The following CD82 variants were observed in gnomAD, a reference collection of about 807,000 sequenced individuals.
The protein encoded by CD82 is CD82 molecule, also known as CD82 antigen.
CD82 carries 36 observed loss-of-function variants against 37.4 expected under a neutral mutation model. The ratio of observed to expected loss-of-function variants is 0.96; its 90% CI spans 0.74 to 1.27. The LOEUF is 1.27. CD82 is among the 50% of genes most tolerant of loss of function. The probability of loss-of-function intolerance (pLI) is 0.00; values close to 1 mark genes in which losing one functional copy is unlikely to be tolerated. For missense variants in CD82, 340 were observed against 347.0 expected, an observed-to-expected ratio of 0.98 and a Z score of 0.16; for synonymous variants, 158 against 137.4, an observed-to-expected ratio of 1.15 and a Z score of -1.05.
At chr11:44,594,499 G>A (rs1393643446) in intron 2 of CD82, 144 bp from the exon 3 acceptor site, 1 of 622,920 alleles carries the variant, frequency 1.6e-6, no homozygotes, top group East Asian at 2.7e-5. Context: ...TTTCCTAGCT[G>A]TGTGGCTTTG....
At chr11:44,573,104 G>A (rs1203837712) in intron 1 of CD82, 1 of 152,266 alleles carries the variant, frequency 6.6e-6, no homozygotes, top group Non-Finnish European at 1.5e-5. Context: ...GGCGTGAAGC[G>A]GGGATTTGGT....
In CD82 at chr11:44,618,263, G is replaced by A. The variant is rs753768500; in HGVS notation, c.540G>A (p.Gly180=). 5 of 1,613,988 alleles carry A rather than the reference G, an allele frequency of 3.1e-6. No homozygotes were observed. In the South Asian group the frequency reaches 3.3e-5, roughly 11 times the overall value. Residue 180 remains glycine, a synonymous_variant, in exon 8 of 10, where the codon GGG becomes GGA. Coordinates refer to ENST00000227155, the MANE Select transcript of CD82 (RefSeq NM_002231.4). ...ACCCCTGTTCCTGCGAAGTCAAGGGGGAAGAGGACAACAGCCTTTCTGTGA... is the reference window on the plus strand; with the variant it reads ...ACCCCTGTTCCTGCGAAGTCAAGGGAGAAGAGGACAACAGCCTTTCTGTGA... ...VTYPCSCEVK[G]EEDNSLSVRK...
intron 3 of CD82, among the ~76,000 whole-genome samples, chr11:44,598,474 G>A (rs1041014452): frequency 8.2e-5 from 10 of 121,582 alleles, no homozygotes; most frequent in Non-Finnish European, 1.3e-4. Flanking sequence ...GTGCAGTGGC[G>A]TGACCTTGGC....
chr11:44,605,525 C>A, intron 6 of CD82, 96 bp downstream of exon 6: 1 of 1,134,538 alleles, frequency 8.8e-7, no homozygotes, highest in Non-Finnish European at 1.3e-6. Context: ...CCCCAGTTGT[C>A]ACAGACAGAT....
chr11:44,576,886 A>G (rs11038065), intron 1 of CD82, among the ~76,000 whole-genome samples: 110,704 of 151,802 alleles, frequency 0.73, 40,771 homozygotes, highest in East Asian at 0.9. Flanking sequence ...TCCCGTGGGC[A>G]GTTGAGGGAT....
At chr11:44,583,688 G>A (rs937068008) in intron 1 of CD82, among the ~76,000 whole-genome samples, 1 of 152,208 alleles carries the variant, frequency 6.6e-6, no homozygotes, top group Non-Finnish European at 1.5e-5. Flanking sequence ...TGTGGCCTTA[G>A]GCAAGTCACT....
At chr11:44,603,640 G>A (rs575211042) in intron 4 of CD82, among the ~76,000 whole-genome samples, 4 of 152,296 alleles carry the variant, frequency 2.6e-5, no homozygotes, top group South Asian at 4.1e-4. Flanking sequence ...CAGCACCCTC[G>A]CCCTCCAGGT....
chr11:44,590,108 C>T (rs1220140055), intron 2 of CD82, among the ~76,000 whole-genome samples: 1 of 151,038 alleles, frequency 6.6e-6, no homozygotes, highest in Non-Finnish European at 1.5e-5. Context: ...GCTGGGATTA[C>T]AGGTGTGAGC....
At position 44,618,348 on chromosome 11, in the gene CD82, T is replaced by G. The variant is rs1415150052; in HGVS notation, c.625T>G (p.Trp209Gly). Residue 209 changes from tryptophan (W) to glycine (G), a missense_variant, in exon 8 of 10, where the codon TGG becomes GGG. Trp to Gly is a radical substitution (Grantham distance 184). Transcript: ENST00000227155. Reference protein sequence around the residue: ...RTQSGNHPEDWPVYQEGCMEK... With the variant: ...RTQSGNHPEDGPVYQEGCMEK... ...CCAGAGTGGCAACCACCCTGAGGAC[T>G]GGCCTGTGTACCAGGAGGTGTGCGG... The G allele has an allele frequency of 8.1e-6, 13 of 1,613,200 alleles. No individual in the cohort carries two copies. The highest frequency in any genetic ancestry group is 1.0e-5 in the Non-Finnish European group (12 of 1,179,922).
At chr11:44,580,665 A>G (rs1035020698) in intron 1 of CD82, among the ~76,000 whole-genome samples, 2 of 152,298 alleles carry the variant, frequency 1.3e-5, no homozygotes, top group African/African-American at 4.8e-5. Flanking sequence ...GTGAGCCAAG[A>G]TCATGCCACT....
rs1853243053 is a variant in CD82 at position 44,597,305 on chromosome 11, C to T, written c.63+2580C>T. Among the ~76,000 whole-genome samples, 1 of 152,228 alleles carries T rather than the reference C, an allele frequency of 6.6e-6. No individual in the cohort carries two copies. The highest frequency in any genetic ancestry group is 2.4e-5 in the African/African-American group (1 of 41,454). On this transcript the variant is annotated intron_variant, in intron 3 of 9. Coordinates refer to ENST00000227155, the MANE Select transcript of CD82 (RefSeq NM_002231.4). The surrounding 1 kb of genome is among the most constrained non-coding windows in gnomAD (Gnocchi z 4.1). ...TGTGGCTATGCTGGGGAAGGACGCT[C>T]ACTGCTCTGAGGGTCCTGGCTCCTG... is the stretch of plus-strand genomic sequence containing the variant.
At chr11:44,614,051 C>T (rs774490538) in intron 6 of CD82, among the ~76,000 whole-genome samples, 7 of 152,012 alleles carry the variant, frequency 4.6e-5, no homozygotes, top group Non-Finnish European at 7.4e-5. Flanking sequence ...CTTACTCTGT[C>T]GCCCAGGCTG....
At chr11:44,570,634 AACCTGG>A (rs1339562511) in intron 1 of CD82, among the ~76,000 whole-genome samples, 1 of 152,196 alleles carries the variant, frequency 6.6e-6, no homozygotes, top group African/African-American at 2.4e-5. Context: ...GCACTTCTGC[AACCTGG>A]ATCCAGGGAG....
At position 44,613,146 on chromosome 11, in the gene CD82, C is replaced by T. The variant is rs143598335; in HGVS notation, c.337-2126C>T. Among the ~76,000 whole-genome samples the T allele has an allele frequency of 6.3e-4, 96 of 152,350 alleles. No homozygotes were observed. The East Asian group carries it at 8.1e-3, about 13-fold the overall frequency. ...TCTCCCAATTCTTCCTTCTCAGGAA[C>T]CGAGGTGGGAAGGTGTGTGGCCTTC... On this transcript the variant is annotated intron_variant, in intron 6 of 9. Transcript: ENST00000227155.
intron 1 of CD82, among the ~76,000 whole-genome samples, chr11:44,572,092 G>A (rs981951412): frequency 2.0e-5 from 3 of 152,220 alleles, no homozygotes; most frequent in African/African-American, 4.8e-5. Flanking sequence ...CGGCTGCAGG[G>A]TTTTATTCAG....
chr11:44,585,834 T>A, intron 1 of CD82, among the ~76,000 whole-genome samples: 1 of 152,236 alleles, frequency 6.6e-6, no homozygotes, highest in East Asian at 1.9e-4. Flanking sequence ...CATCTCTTGC[T>A]CTCTCTGCCT....
intron 2 of CD82, among the ~76,000 whole-genome samples, chr11:44,594,016 C>T (rs1006631744): frequency 6.9e-6 from 1 of 144,918 alleles, no homozygotes; most frequent in South Asian, 2.2e-4. Flanking sequence ...CACACACACA[C>T]GAATAATAGC....
intron 6 of CD82, among the ~76,000 whole-genome samples, chr11:44,610,171 G>A (rs546740229): frequency 3.3e-5 from 5 of 152,268 alleles, no homozygotes; most frequent in South Asian, 4.1e-4. Flanking sequence ...CCCAAGGGGC[G>A]GGCACAGGAG....
intron 3 of CD82, among the ~76,000 whole-genome samples, chr11:44,595,722 A>AT (rs1207316265): frequency 6.6e-6 from 1 of 152,022 alleles, no homozygotes; most frequent in African/African-American, 2.4e-5. Flanking sequence ...GGGGGTTTAC[A>AT]TTACAAGTTA....
Sources: allele counts gnomAD v4.1 joint callset (sites outside exome capture counted in the v4.1 genomes callset), GRCh38; gene constraint gnomAD v4.1.1; non-coding constraint Gnocchi (gnomAD v3.1); transcripts MANE v1.5; gene names NCBI Gene and HGNC (gene_info 2026-07-23, HGNC 2026-07-21).